RFX8: variants seen among roughly 807,000 people sequenced by gnomAD.
RFX8 encodes regulatory factor X8.
In RFX8, 46 loss-of-function variants were observed where a neutral mutation model predicts 54.6. The observed-to-expected ratio is 0.84, with a 90% confidence interval of 0.67 to 1.08. The LOEUF (loss-of-function observed/expected upper bound fraction) is 1.08. Ranked by LOEUF, RFX8 falls within the 50% of genes least tolerant of loss-of-function variation. RFX8 has a pLI of 0.00. For synonymous variants in RFX8, 192 were observed against 209.5 expected (o/e 0.92, Z 0.72); for missense variants, 536 against 562.3 (o/e 0.95, Z 0.47).
At chr2:101,398,851 G>A (rs1346666069) in intron 11 of RFX8, among the ~76,000 whole-genome samples, 3 of 152,152 alleles carry the variant, frequency 2.0e-5, no homozygotes, top group African/African-American at 7.2e-5. Context: ...TCAAATGCAA[G>A]GTTCATGAAA....
intron 10 of RFX8, among the ~76,000 whole-genome samples, chr2:101,404,346 A>G (rs976097116): frequency 1.3e-5 from 2 of 152,188 alleles, no homozygotes; most frequent in Non-Finnish European, 2.9e-5. Flanking sequence ...TCCTGAAACC[A>G]TTGTTCAAAC....
intron 2 of RFX8, among the ~76,000 whole-genome samples, chr2:101,439,597 AT>A (rs59003125): frequency 3.8e-4 from 55 of 145,812 alleles, no homozygotes; most frequent in Admixed American, 7.5e-4. Flanking sequence ...ATTGAAGTTC[AT>A]TTTTTTTTTT....
intron 11 of RFX8, among the ~76,000 whole-genome samples, chr2:101,399,422 A>G (rs941144685): frequency 6.6e-6 from 1 of 152,198 alleles, no homozygotes; most frequent in Non-Finnish European, 1.5e-5. Context: ...TCTAATGTGT[A>G]TTACCTTGGA....
intron 4 of RFX8, among the ~76,000 whole-genome samples, chr2:101,420,485 G>C (rs753568791): frequency 2.6e-5 from 4 of 152,084 alleles, no homozygotes; most frequent in Non-Finnish European, 5.9e-5. Context: ...TGGAGGTACA[G>C]TGAGCCGAGA....
At chr2:101,423,956 G>A (rs1687018110) in intron 2 of RFX8, among the ~76,000 whole-genome samples, 3 of 152,170 alleles carry the variant, frequency 2.0e-5, no homozygotes, top group Admixed American at 2.0e-4. Flanking sequence ...ACTCTGTTGT[G>A]ATTCTGAACC....
chr2:101,461,135 A>C (rs1342512416), intron 2 of RFX8, among the ~76,000 whole-genome samples: 2 of 151,576 alleles, frequency 1.3e-5, no homozygotes, highest in Non-Finnish European at 2.9e-5. Flanking sequence ...CGGGCATGGT[A>C]GCGGGCACCT....
At chr2:101,411,830 T>C (rs1222746240) in intron 8 of RFX8, among the ~76,000 whole-genome samples, 3 of 152,120 alleles carry the variant, frequency 2.0e-5, no homozygotes, top group Non-Finnish European at 4.4e-5. Flanking sequence ...TTTAGTATTT[T>C]AATAACTGGC....
chr2:101,413,858 C>A (rs1686317073), intron 7 of RFX8, among the ~76,000 whole-genome samples: 2 of 152,144 alleles, frequency 1.3e-5, no homozygotes, highest in Admixed American at 1.3e-4. Context: ...CCCCGCTGAG[C>A]TCAGATTCTG....
intron 1 of RFX8, among the ~76,000 whole-genome samples, chr2:101,469,109 T>TATATATATATATAAGTATATATATATAA (rs1558897018): frequency 3.8e-5 from 1 of 26,040 alleles, no homozygotes; most frequent in African/African-American, 1.3e-4. Flanking sequence ...TATATATAAG[T>TATATATATATATAAGTATATATATATAA]GTATATATAT....
chr2:101,473,535 T>G (rs1690128108), intron 1 of RFX8, among the ~76,000 whole-genome samples: 1 of 152,162 alleles, frequency 6.6e-6, no homozygotes, highest in Non-Finnish European at 1.5e-5. Flanking sequence ...TCACATGACT[T>G]TTTCAAAAGT....
intron 8 of RFX8, among the ~76,000 whole-genome samples, chr2:101,412,260 C>G (rs1468164492): frequency 6.6e-6 from 1 of 152,182 alleles, no homozygotes; most frequent in Non-Finnish European, 1.5e-5. Flanking sequence ...CAGGTCCTCC[C>G]TGAGTCTGGA....
chr2:101,425,949 G>A lies in RFX8; in HGVS notation c.73-3477C>T, dbSNP rs116436274. On this transcript the variant is annotated intron_variant, in intron 2 of 11. Coordinates refer to ENST00000428343, the MANE Select transcript of RFX8 (RefSeq NM_001145664.2). ...GTTGATCAATGGGTACAAACAGACA[G>A]AAGAAATGAGACCTAGGCTTTGATC... Among the ~76,000 whole-genome samples the A allele has an allele frequency of 2.8e-3, 429 of 152,216 alleles. 5 individuals are homozygous for A. Among genetic ancestry groups the A allele is most frequent in the African/African-American group, 9.9e-3 (412 of 41,536 alleles).
intron 9 of RFX8, among the ~76,000 whole-genome samples, chr2:101,409,841 T>G (rs537146017): frequency 6.6e-6 from 1 of 152,068 alleles, no homozygotes; most frequent in African/African-American, 2.4e-5. Flanking sequence ...TCTCCCCACC[T>G]GCCCTGAGCC....
At chr2:101,434,143 C>T (rs1687642674) in intron 2 of RFX8, among the ~76,000 whole-genome samples, 1 of 152,126 alleles carries the variant, frequency 6.6e-6, no homozygotes, top group Non-Finnish European at 1.5e-5. Flanking sequence ...AAACAGAATT[C>T]ACAGAGCTGG....
intron 1 of RFX8, among the ~76,000 whole-genome samples, chr2:101,467,332 G>A (rs1427066510): frequency 2.0e-5 from 3 of 152,152 alleles, no homozygotes; most frequent in African/African-American, 7.2e-5. Context: ...ACCCCTGCAG[G>A]TGACCGCAGG....
chr2:101,457,840 G>A (rs1294969756), intron 2 of RFX8, among the ~76,000 whole-genome samples: 1 of 152,186 alleles, frequency 6.6e-6, no homozygotes. Flanking sequence ...GTGTGTGGGA[G>A]TCTAAGTCTC....
intron 2 of RFX8, among the ~76,000 whole-genome samples, chr2:101,443,561 G>T (rs1397495402): frequency 6.6e-6 from 1 of 152,048 alleles, no homozygotes; most frequent in Admixed American, 6.5e-5. Context: ...TACATATTTG[G>T]AAATTATTCT....
chr2:101,462,447 G>T (rs1174534208), intron 2 of RFX8, among the ~76,000 whole-genome samples: 1 of 152,012 alleles, frequency 6.6e-6, no homozygotes, highest in Non-Finnish European at 1.5e-5. Flanking sequence ...GGGGGGATAT[G>T]GTTAAATAAA....
intron 1 of RFX8, among the ~76,000 whole-genome samples, chr2:101,467,317 C>T (rs1689628982): frequency 6.6e-6 from 1 of 152,156 alleles, no homozygotes; most frequent in Admixed American, 6.5e-5. Flanking sequence ...CAGGTAAGTC[C>T]TATCACCCCT....
Sources: gnomAD v4.1 joint callset for allele counts (sites outside exome capture counted in the v4.1 genomes callset) on GRCh38, gnomAD v4.1.1 for gene constraint, MANE v1.5 for transcripts, NCBI Gene and HGNC (gene_info 2026-07-23, HGNC 2026-07-21) for gene names.